Variants in GOLGA3 observed in about 807,000 individuals in gnomAD.
GOLGA3 encodes the protein golgin A3.
In GOLGA3, 75 loss-of-function variants were observed where a neutral mutation model predicts 169.4. The ratio of observed to expected loss-of-function variants is 0.44; its 90% CI spans 0.37 to 0.54. GOLGA3 has a LOEUF of 0.54. GOLGA3 is among the 20% of genes least tolerant of loss of function. GOLGA3 has a pLI of 0.00. For missense variants in GOLGA3, 1,899 were observed against 1,930.0 expected (o/e 0.98, Z 0.30); for synonymous variants, 824 against 822.4 (o/e 1.00, Z -0.03).
chr12:132,786,420 G>A lies in GOLGA3; in HGVS notation c.3042C>T (p.Leu1014=), dbSNP rs12823938. ...CCGCGTCCGCAGCCTCCTTGGCCGC[G>A]AGGGCCTCCTGCAGGCGGCGGCTGA... ...GILSRRLQEA[L]AAKEAADAEL... The change falls in exon 15 of 24, where the codon CTC becomes CTT. Residue 1014 remains leucine, a synonymous_variant. Coordinates refer to ENST00000450791, the MANE Select transcript of GOLGA3 (RefSeq NM_001389683.1). 0.31 allele frequency: 495,066 copies of A among 1,612,434 alleles called. 78,371 individuals are homozygous for A. The highest frequency in any genetic ancestry group is 0.43 in the Middle Eastern group (2,597 of 6,048).
chr12:132,794,787 C>A (rs1948747136), intron 11 of GOLGA3, among the ~76,000 whole-genome samples: 1 of 152,198 alleles, frequency 6.6e-6, no homozygotes, highest in Non-Finnish European at 1.5e-5. Flanking sequence ...GTCTGAGTGC[C>A]TCTTTACTAG....
intron 4 of GOLGA3, 99 bp downstream of exon 4, chr12:132,813,208 T>C: frequency 1.3e-6 from 1 of 772,610 alleles, no homozygotes. Context: ...CCATGGCAGC[T>C]CAGAGAAGCC....
At chr12:132,807,681 C>G (rs1462608958) in intron 5 of GOLGA3, among the ~76,000 whole-genome samples, 1 of 152,142 alleles carries the variant, frequency 6.6e-6, no homozygotes, top group Non-Finnish European at 1.5e-5. Context: ...AGCTGTGTAT[C>G]ACCTGTTCCA....
chr12:132,822,374 A>C, intron 1 of GOLGA3, 63 bp from the exon 2 acceptor site: 4 of 987,686 alleles, frequency 4.0e-6, no homozygotes, highest in Non-Finnish European at 5.5e-6. Context: ...TCAATTACAA[A>C]ATTAGCATTT....
intron 3 of GOLGA3, 63 bp downstream of exon 3, chr12:132,816,477 G>A: frequency 1.3e-6 from 2 of 1,540,482 alleles, no homozygotes; most frequent in South Asian, 1.2e-5. Flanking sequence ...CAGGGCACCT[G>A]CTCCCAAGGG....
chr12:132,806,161 AC>A (rs34321320), intron 6 of GOLGA3, among the ~76,000 whole-genome samples: 1 of 152,168 alleles, frequency 6.6e-6, no homozygotes, highest in Non-Finnish European at 1.5e-5. Context: ...ACTCCAGGAG[AC>A]CCTAGAGCAA....
intron 11 of GOLGA3, among the ~76,000 whole-genome samples, chr12:132,795,357 T>C (rs986010387): frequency 6.6e-6 from 1 of 152,006 alleles, no homozygotes; most frequent in African/African-American, 2.4e-5. Context: ...CTGGGCACAA[T>C]GGCTCAGGCC....
intron 5 of GOLGA3, 128 bp downstream of exon 5, chr12:132,807,763 C>CA: frequency 7.6e-6 from 2 of 262,146 alleles, no homozygotes; most frequent in South Asian, 5.3e-5. Context: ...CGTCTCTGCC[C>CA]ACCCCGCCCC....
Position 132,816,250 on chromosome 12 carries a change from G to A in GOLGA3, c.406+290C>T, listed in dbSNP as rs561835738. Reference sequence around the variant, plus strand: ...CAAAACAACAGACTGGATGCCCACCGTCTGCTTACCAAGCACCTGGGTGAC... The same window carrying A: ...CAAAACAACAGACTGGATGCCCACCATCTGCTTACCAAGCACCTGGGTGAC... On this transcript the variant is annotated intron_variant, in intron 3 of 23. Coordinates refer to ENST00000450791, the MANE Select transcript of GOLGA3 (RefSeq NM_001389683.1). 1.2e-4 allele frequency among the ~76,000 whole-genome samples: 19 copies of A among 152,314 alleles called. No individual in the cohort carries two copies. The East Asian group carries it at 1.4e-3, about 11-fold the overall frequency.
chr12:132,786,139 G>A lies in GOLGA3; in HGVS notation c.3123+200C>T, dbSNP rs145614518. Among the ~76,000 whole-genome samples, 53 of 152,376 alleles carry A rather than the reference G, an allele frequency of 3.5e-4. 1 individual carries two copies. The East Asian group carries it at 9.8e-3, about 28-fold the overall frequency. ...AACGCCACAGGCCACAGGCCATGTGGGGTTCATGAGGGAGACGCGAGGCAA... is the reference window on the plus strand; with the variant it reads ...AACGCCACAGGCCACAGGCCATGTGAGGTTCATGAGGGAGACGCGAGGCAA... On this transcript the variant is annotated intron_variant, in intron 15 of 23. Transcript: ENST00000450791.
At chr12:132,799,822 C>A (rs1949043143) in intron 8 of GOLGA3, among the ~76,000 whole-genome samples, 1 of 152,008 alleles carries the variant, frequency 6.6e-6, no homozygotes, top group South Asian at 2.1e-4. Flanking sequence ...CTCACTACAA[C>A]CTCTGCCTCC....
intron 1 of GOLGA3, chr12:132,826,283 C>A: frequency 9.9e-7 from 1 of 1,009,192 alleles, no homozygotes; most frequent in Non-Finnish European, 1.4e-6. Flanking sequence ...AGCATCACGG[C>A]CACGGCCCAG....
Position 132,780,863 on chromosome 12 carries a change from G to A in GOLGA3, c.3517C>T (p.Leu1173Phe). ...KEEEDRQMKH[L>F]VQALQASLEK... The stretch of plus-strand genomic sequence containing the variant: ...AGTGAGGCCTGCAGGGCCTGGACAA[G>A]ATGCTTCATCTGGCGATCCTCCTCT... The change falls in exon 18 of 24, where the codon CTT (leucine) becomes TTT (phenylalanine). Residue 1173 changes from leucine to phenylalanine, a missense_variant. Transcript: ENST00000450791. The A allele has an allele frequency of 1.2e-6, 2 of 1,612,530 alleles. No individual in the cohort carries two copies. Among genetic ancestry groups the A allele is most frequent in the Non-Finnish European group, 1.7e-6 (2 of 1,180,018 alleles).
chr12:132,783,983 C>A, intron 16 of GOLGA3, 181 bp downstream of exon 16: 3 of 1,487,426 alleles, frequency 2.0e-6, no homozygotes, highest in Non-Finnish European at 2.7e-6. Flanking sequence ...CCCCAGAGGG[C>A]TGGAATCAGG....
chr12:132,823,898 C>T (rs113465650), intron 1 of GOLGA3, among the ~76,000 whole-genome samples: 4 of 151,966 alleles, frequency 2.6e-5, no homozygotes, highest in African/African-American at 9.7e-5. Flanking sequence ...GCCTGGCCAA[C>T]AAGGTGAAAC....
intron 1 of GOLGA3, among the ~76,000 whole-genome samples, chr12:132,824,802 C>T (rs559441854): frequency 6.6e-6 from 1 of 152,288 alleles, no homozygotes; most frequent in South Asian, 2.1e-4. Flanking sequence ...ACACACAGCA[C>T]AGAACCCTCT....
At chr12:132,785,197 T>C (rs914094689) in intron 15 of GOLGA3, among the ~76,000 whole-genome samples, 37 of 152,230 alleles carry the variant, frequency 2.4e-4, no homozygotes, top group African/African-American at 8.2e-4. Context: ...GGGCCAGCTC[T>C]GCCCGGCCTT....
At chr12:132,782,602 C>T (rs1259321402) in intron 16 of GOLGA3, 109 bp from the exon 17 acceptor site, 8 of 848,882 alleles carry the variant, frequency 9.4e-6, no homozygotes, top group African/African-American at 1.7e-5. Flanking sequence ...TTAGGCCAGG[C>T]GCAGAGGCTC....
Position 132,795,994 on chromosome 12 carries a change from ATCT to A in GOLGA3, c.2324_2326del (p.Lys775del), listed in dbSNP as rs1231103350. On this transcript the variant is annotated inframe_deletion, in exon 11 of 24. Transcript: ENST00000450791. ...CGCCTGCAAAGCCGCCTCCAAGATG[ATCT>A]TCTCGTTCTGCAGGAGGCAGATCGT... 1 of 1,613,560 alleles carries A rather than the reference ATCT, an allele frequency of 6.2e-7. No individual in the cohort carries two copies. The highest frequency in any genetic ancestry group is 1.3e-5 in the African/African-American group (1 of 75,040).
Sources: gnomAD v4.1 joint callset for allele counts (sites outside exome capture counted in the v4.1 genomes callset) on GRCh38, gnomAD v4.1.1 for gene constraint, MANE v1.5 for transcripts, NCBI Gene and HGNC (gene_info 2026-07-23, HGNC 2026-07-21) for gene names.